RUBCN: variants seen among roughly 807,000 people sequenced by gnomAD.
RUBCN encodes run domain Beclin-1-interacting and cysteine-rich domain-containing protein.
Under a neutral mutation model 113.2 loss-of-function variants are expected in RUBCN, and 74 were observed. The observed-to-expected ratio is 0.65, with a 90% CI of 0.54 to 0.79. The LOEUF (loss-of-function observed/expected upper bound fraction) is 0.79. RUBCN is among the 30% of genes least tolerant of loss of function. The pLI, the probability that RUBCN is intolerant of heterozygous loss-of-function variation, is 0.00. For missense variants in RUBCN, 1,109 were observed against 1,251.7 expected, an observed-to-expected ratio of 0.89 and a Z score of 1.72; for synonymous variants, 480 against 490.0, an observed-to-expected ratio of 0.98 and a Z score of 0.27.
intron 1 of RUBCN, among the ~76,000 whole-genome samples, chr3:197,725,013 T>C (rs1463232643): frequency 6.6e-6 from 1 of 151,984 alleles, no homozygotes; most frequent in African/African-American, 2.4e-5. Context: ...ATCTCGTCTC[T>C]ACAAAAAAAC....
In RUBCN at chr3:197,675,056, C is replaced by A. The variant is rs371725963; in HGVS notation, c.2881G>T (p.Ala961Ser). ...LSDYEEEPAEALALEAAVLEA... is the reference protein window; with the variant it reads ...LSDYEEEPAESLALEAAVLEA... The stretch of plus-strand genomic sequence containing the variant: ...AGGACGGCGGCTTCCAGGGCCAGCG[C>A]TTCCGCGGGCTCCTCCTCGTAGTCT... The change falls in exon 20 of 20, where the codon GCG becomes TCG. Residue 961 changes from alanine to serine, a missense_variant. By Grantham distance (99) the Ala-to-Ser change is moderately conservative (BLOSUM62 1). This residue lies in a region of RUBCN where 306 missense variants were observed against 348.9 expected (regional missense o/e 0.88). Transcript: ENST00000296343. The surrounding 1 kb of genome is among the most constrained non-coding windows in gnomAD (Gnocchi z 4.4). 10 of 1,613,054 alleles carry A rather than the reference C, an allele frequency of 6.2e-6. No homozygotes were observed. The Admixed American group carries it at 1.3e-4, about 22-fold the overall frequency.
At position 197,681,901 on chromosome 3, in the gene RUBCN, T is replaced by A. The variant is rs1481323043; in HGVS notation, c.2127-2A>T. On this transcript the variant is annotated splice_acceptor_variant, in intron 14 of 19. Coordinates refer to ENST00000296343, the MANE Select transcript of RUBCN (RefSeq NM_014687.4). LOFTEE classifies it high-confidence loss of function. The surrounding 1 kb of genome is among the most constrained non-coding windows in gnomAD (Gnocchi z 5.5). ...TGCTTGGCCACGGCAATTTTCCTCC[T>A]GAGGAAGGGTAAGGACAGGGCATTG... 2 of 1,613,322 alleles carry A rather than the reference T, an allele frequency of 1.2e-6. No individual in the cohort carries two copies. Among genetic ancestry groups the A allele is most frequent in the Admixed American group, 3.3e-5 (2 of 60,004 alleles).
At chr3:197,745,344 A>C (rs188320049) in intron 1 of RUBCN, among the ~76,000 whole-genome samples, 2 of 149,216 alleles carry the variant, frequency 1.3e-5, no homozygotes, top group Non-Finnish European at 3.0e-5. Flanking sequence ...AGCCAGGTGC[A>C]GTGGCTCACA....
At chr3:197,682,913 C>T (rs904215754) in intron 13 of RUBCN, among the ~76,000 whole-genome samples, 3 of 152,184 alleles carry the variant, frequency 2.0e-5, no homozygotes, top group African/African-American at 7.2e-5. Context: ...AAACAGCCTA[C>T]CAGGGCAGTG....
intron 2 of RUBCN, among the ~76,000 whole-genome samples, chr3:197,707,310 T>C (rs545387582): frequency 6.6e-6 from 1 of 152,042 alleles, no homozygotes; most frequent in African/African-American, 2.4e-5. Flanking sequence ...CCAGCCTGGG[T>C]GACAGAGCGA....
Position 197,703,259 on chromosome 3 carries a change from G to A in RUBCN, c.570+289C>T, listed in dbSNP as rs150248709. Among the ~76,000 whole-genome samples the A allele has an allele frequency of 5.2e-3, 791 of 151,820 alleles. 7 individuals carry two copies. Among genetic ancestry groups the A allele is most frequent in the Middle Eastern group, 0.017 (5 of 294 alleles). On this transcript the variant is annotated intron_variant, in intron 5 of 19. Coordinates refer to ENST00000296343, the MANE Select transcript of RUBCN (RefSeq NM_014687.4). Reference sequence around the variant, plus strand: ...TAAAAATACAAAAAAATAGCTGGGTGTGGTGGCGGGCGCCTGTAATCCCAG... The same window carrying A: ...TAAAAATACAAAAAAATAGCTGGGTATGGTGGCGGGCGCCTGTAATCCCAG...
At position 197,701,148 on chromosome 3, in the gene RUBCN, TA is replaced by T; in HGVS notation, c.728-3del. On this transcript the variant is annotated splice_region_variant and splice_polypyrimidine_tract_variant and intron_variant, in intron 6 of 19. Transcript: ENST00000296343. ...GTGGAAAGGAAGTAGATCTTCTCTC[TA>T]GAATATAAAAGGAAATGGTAAGGGG... The T allele has an allele frequency of 6.6e-7, 1 of 1,526,478 alleles. No individual in the cohort carries two copies. Among genetic ancestry groups the T allele is most frequent in the Non-Finnish European group, 8.8e-7 (1 of 1,140,680 alleles). 94.6% of individuals were successfully genotyped at this position (1,526,478 alleles called of 1,614,324 possible). A position where few individuals can be genotyped will look rare whatever the true frequency, so the allele number is the denominator to read the frequency against.
chr3:197,723,181 T>C (rs1726353341), intron 1 of RUBCN, among the ~76,000 whole-genome samples: 1 of 152,160 alleles, frequency 6.6e-6, no homozygotes, highest in South Asian at 2.1e-4. Flanking sequence ...TATTTATTTT[T>C]AATTTTCTTT....
intron 1 of RUBCN, among the ~76,000 whole-genome samples, chr3:197,745,145 C>CTACAG (rs1468723907): frequency 2.0e-5 from 3 of 151,698 alleles, no homozygotes; most frequent in African/African-American, 7.3e-5. Flanking sequence ...TTTAGCCAGG[C>CTACAG]GTGGTGGCAC....
chr3:197,737,787 TAGG>T (rs1270829295), upstream of RUBCN, among the ~76,000 whole-genome samples: 5 of 152,106 alleles, frequency 3.3e-5, no homozygotes, highest in African/African-American at 1.2e-4. Flanking sequence ...GAAGGCTAGA[TAGG>T]AGACTGGTCA....
At chr3:197,708,903 A>T (rs1050101555) in intron 2 of RUBCN, among the ~76,000 whole-genome samples, 1 of 152,232 alleles carries the variant, frequency 6.6e-6, no homozygotes, top group Non-Finnish European at 1.5e-5. Context: ...GAGGCAAGAC[A>T]ATTTTCAGAA....
chr3:197,677,038 C>G lies in RUBCN; in HGVS notation c.2493G>C (p.Glu831Asp). The change falls in exon 18 of 20, where the codon GAG becomes GAC. Residue 831 changes from glutamate to aspartate, a missense_variant and splice_region_variant. By Grantham distance (45) the Glu-to-Asp change is conservative (BLOSUM62 2). Around this residue, in one of 3 missense-constraint regions of RUBCN, gnomAD observed 306 missense variants for 348.9 expected, o/e 0.88. Transcript: ENST00000296343. ...GGACTGTGTCAAAGGAATCCAGAAGCCTACAGGGAGTGACAGGAGGCAGGT... is the reference window on the plus strand; with the variant it reads ...GGACTGTGTCAAAGGAATCCAGAAGGCTACAGGGAGTGACAGGAGGCAGGT... Reference protein sequence around the residue: ...NMFKTCRLAKELLDSFDTVPG... With the variant: ...NMFKTCRLAKDLLDSFDTVPG... 3 of 1,613,346 alleles carry G rather than the reference C, an allele frequency of 1.9e-6. No homozygotes were observed. In the East Asian group the frequency reaches 6.7e-5, roughly 36 times the overall value.
rs191957868 is a variant in RUBCN at position 197,745,083 on chromosome 3, G to A, written c.-116+4186C>T. On this transcript the variant is annotated intron_variant, in intron 1 of 20. Transcript: ENST00000273582. ...GGGCAGATCACAAAGTCAAGAGATC[G>A]AGACCATCCTGGCCAACATGGTGAA... is the stretch of plus-strand genomic sequence containing the variant. Among the ~76,000 whole-genome samples, 635 of 150,568 alleles carry A rather than the reference G, an allele frequency of 4.2e-3. 4 individuals carry two copies. The highest frequency in any genetic ancestry group is 7.6e-3 in the Non-Finnish European group (514 of 67,670).
intron 16 of RUBCN, among the ~76,000 whole-genome samples, chr3:197,680,499 G>A (rs1234526748): frequency 6.7e-6 from 1 of 149,374 alleles, no homozygotes; most frequent in Non-Finnish European, 1.5e-5. Context: ...GCTCTAACTC[G>A]ACAAGTGGCT....
chr3:197,747,929 G>GTTT (rs1169134636), intron 1 of RUBCN, among the ~76,000 whole-genome samples: 5 of 140,320 alleles, frequency 3.6e-5, no homozygotes, highest in Non-Finnish European at 6.3e-5. Flanking sequence ...AGTTTCTGTA[G>GTTT]TTTTTTTTTT....
At chr3:197,686,470 A>G (rs1721858885) in intron 11 of RUBCN, among the ~76,000 whole-genome samples, 1 of 152,214 alleles carries the variant, frequency 6.6e-6, no homozygotes. Context: ...CACACTCGTC[A>G]AAGGGGCCAT....
At chr3:197,685,651 A>G (rs1721759044) in intron 11 of RUBCN, among the ~76,000 whole-genome samples, 1 of 152,222 alleles carries the variant, frequency 6.6e-6, no homozygotes, top group Admixed American at 6.5e-5. Flanking sequence ...TGGTTTTCCT[A>G]TGTTCTCTGA....
chr3:197,676,331 C>CTT, intron 18 of RUBCN: 1 of 918,862 alleles, frequency 1.1e-6, no homozygotes, highest in Non-Finnish European at 1.3e-6. Context: ...TGACAACTGC[C>CTT]TTTTTTTTTT....
chr3:197,733,338 T>G (rs1317587072), intron 1 of RUBCN, among the ~76,000 whole-genome samples: 1 of 152,008 alleles, frequency 6.6e-6, no homozygotes, highest in African/African-American at 2.4e-5. Flanking sequence ...AAAAATTAGC[T>G]GGGAGTGGTG....
Sources: allele counts gnomAD v4.1 joint callset (sites outside exome capture counted in the v4.1 genomes callset), GRCh38; gene constraint gnomAD v4.1.1; regional missense constraint gnomAD v4.1.1; non-coding constraint Gnocchi (gnomAD v3.1); transcripts MANE v1.5; gene names NCBI Gene and HGNC (gene_info 2026-07-23, HGNC 2026-07-21).